The following THSD4 variants were observed in gnomAD, a reference collection of about 807,000 sequenced individuals.
THSD4 encodes the protein thrombospondin type-1 domain-containing protein 4.
A neutral mutation model predicts 119.0 loss-of-function variants in THSD4; 69 were observed. The ratio of observed to expected loss-of-function variants is 0.58; its 90% confidence interval spans 0.48 to 0.71. The LOEUF is 0.71. Among genes scored for constraint, THSD4 ranks in the 30% least tolerant of loss-of-function variants. The pLI, the probability that THSD4 is intolerant of heterozygous loss-of-function variation, is 0.00. For missense variants in THSD4, 1,393 were observed against 1,391.1 expected, an observed-to-expected ratio of 1.00 and a Z score of -0.02; for synonymous variants, 524 against 540.4, an observed-to-expected ratio of 0.97 and a Z score of 0.42.
intron 6 of THSD4, among the ~76,000 whole-genome samples, chr15:71,403,047 T>G (rs576483111): frequency 6.6e-5 from 10 of 152,334 alleles, no homozygotes; most frequent in African/African-American, 2.4e-4. Flanking sequence ...GCATTTCGTC[T>G]TGAAGAATTC....
intron 6 of THSD4, among the ~76,000 whole-genome samples, chr15:71,353,828 G>T (rs546832097): frequency 6.6e-6 from 1 of 152,220 alleles, no homozygotes; most frequent in Non-Finnish European, 1.5e-5. Flanking sequence ...GCCATTTGCT[G>T]TTCGTGTGAC....
At chr15:71,138,472 A>G (rs1182168197) in intron 1 of THSD4, among the ~76,000 whole-genome samples, 1 of 152,138 alleles carries the variant, frequency 6.6e-6, no homozygotes, top group Non-Finnish European at 1.5e-5. Flanking sequence ...TCCCCCAGAA[A>G]TCTGGAGGGA....
At chr15:71,352,025 C>T (rs1269216235) in intron 6 of THSD4, among the ~76,000 whole-genome samples, 4 of 152,224 alleles carry the variant, frequency 2.6e-5, no homozygotes, top group Non-Finnish European at 5.9e-5. Context: ...ACCATGTCAA[C>T]CCTGTACTCT....
At chr15:71,240,576 G>C (rs1056972449) in intron 4 of THSD4, among the ~76,000 whole-genome samples, 1 of 152,072 alleles carries the variant, frequency 6.6e-6, no homozygotes, top group African/African-American at 2.4e-5. Context: ...ACTCAAGTTT[G>C]AGAAGTGCTA....
chr15:71,535,942 A>T (rs1354863185), intron 7 of THSD4, among the ~76,000 whole-genome samples: 1 of 152,118 alleles, frequency 6.6e-6, no homozygotes, highest in African/African-American at 2.4e-5. Context: ...ATAAAGTCCC[A>T]TTTATTTATT....
At chr15:71,727,589 C>CAT (rs2052883934) in intron 8 of THSD4, among the ~76,000 whole-genome samples, 2 of 9,922 alleles carry the variant, frequency 2.0e-4, no homozygotes, top group African/African-American at 4.3e-4. Context: ...TATATATATA[C>CAT]ACACACACAC....
chr15:71,701,232 A>G (rs1049103304), intron 8 of THSD4, among the ~76,000 whole-genome samples: 6 of 152,350 alleles, frequency 3.9e-5, no homozygotes, highest in African/African-American at 1.4e-4. Flanking sequence ...TTCCCAGGGG[A>G]AAAAGTACCA....
intron 14 of THSD4, among the ~76,000 whole-genome samples, chr15:71,752,107 T>C (rs1260989935): frequency 6.6e-6 from 1 of 152,212 alleles, no homozygotes. Context: ...GTAAATTCCA[T>C]GTCTCTACAT....
At chr15:71,207,765 C>T (rs902277184) in intron 3 of THSD4, among the ~76,000 whole-genome samples, 1 of 152,170 alleles carries the variant, frequency 6.6e-6, no homozygotes, top group Non-Finnish European at 1.5e-5. Context: ...AATCTAATGT[C>T]TGATGATTTG....
intron 7 of THSD4, among the ~76,000 whole-genome samples, chr15:71,599,393 C>G (rs2049966130): frequency 6.6e-6 from 1 of 152,130 alleles, no homozygotes; most frequent in African/African-American, 2.4e-5. Flanking sequence ...TATTTTTTCA[C>G]ATTGTCACAT....
intron 11 of THSD4, 48 bp from the exon 12 acceptor site, chr15:71,745,058 C>T (rs2053308040): frequency 6.4e-7 from 1 of 1,574,646 alleles, no homozygotes; most frequent in South Asian, 1.1e-5. Context: ...CATAGCCCAG[C>T]TTTCCAGTGT....
chr15:71,557,670 G>A (rs1403629015), intron 7 of THSD4, among the ~76,000 whole-genome samples: 1 of 152,040 alleles, frequency 6.6e-6, no homozygotes, highest in Non-Finnish European at 1.5e-5. Flanking sequence ...GAGTATTAAG[G>A]CTTTCTATTT....
chr15:71,238,884 T>C (rs1283830255), intron 4 of THSD4, among the ~76,000 whole-genome samples: 1 of 152,218 alleles, frequency 6.6e-6, no homozygotes, highest in East Asian at 1.9e-4. Context: ...TTTTCCAAAG[T>C]GACTACACCA....
At chr15:71,625,110 G>A (rs538807537) in intron 7 of THSD4, among the ~76,000 whole-genome samples, 1 of 152,234 alleles carries the variant, frequency 6.6e-6, no homozygotes, top group South Asian at 2.1e-4. Flanking sequence ...AGGTTCAAGT[G>A]ATTCTCCTGC....
intron 6 of THSD4, among the ~76,000 whole-genome samples, chr15:71,401,132 C>T (rs2046526472): frequency 6.6e-6 from 1 of 152,194 alleles, no homozygotes. Flanking sequence ...AAATGCAAAC[C>T]TATGCAGTAG....
intron 6 of THSD4, among the ~76,000 whole-genome samples, chr15:71,393,311 C>T (rs1018883168): frequency 1.3e-5 from 2 of 151,840 alleles, no homozygotes; most frequent in Admixed American, 6.6e-5. Context: ...CAAATAACTG[C>T]GGCCTGAATG....
At chr15:71,466,356 A>G (rs1189672768) in intron 7 of THSD4, among the ~76,000 whole-genome samples, 1 of 151,826 alleles carries the variant, frequency 6.6e-6, no homozygotes, top group African/African-American at 2.4e-5. Context: ...AAAAAAAAAA[A>G]AAGGAAAATA....
intron 14 of THSD4, among the ~76,000 whole-genome samples, chr15:71,753,877 C>A (rs1391508643): frequency 6.6e-6 from 1 of 152,102 alleles, no homozygotes; most frequent in African/African-American, 2.4e-5. Context: ...TGATGTCCTC[C>A]CATTGGGCAC....
rs1052672261 is a variant in THSD4, at chr15:71,770,927, G to C, written c.2770-137G>C. The stretch of plus-strand genomic sequence containing the variant: ...GAGTTGCTGATTGTTGAAGCTGGTT[G>C]ATAGGTACATGGGAGTTTGTTTTCA... On this transcript the variant is annotated intron_variant, in intron 16 of 17. Coordinates refer to ENST00000261862, the MANE Select transcript of THSD4 (RefSeq NM_024817.3). 23 of 1,286,906 alleles carry C rather than the reference G, an allele frequency of 1.8e-5. No individual in the cohort carries two copies. In the Admixed American group the frequency reaches 3.9e-4, roughly 22 times the overall value. The allele number at this position is 1,286,906 out of a possible 1,614,324, so 79.7% of individuals were successfully genotyped here. A position where few individuals can be genotyped will look rare whatever the true frequency, so the allele number is the denominator to read the frequency against.
Sources: gnomAD v4.1 joint callset for allele counts (sites outside exome capture counted in the v4.1 genomes callset) on GRCh38, gnomAD v4.1.1 for gene constraint, MANE v1.5 for transcripts, NCBI Gene and HGNC (gene_info 2026-07-23, HGNC 2026-07-21) for gene names.